The following AK9 variants were observed in gnomAD, a reference collection of about 807,000 sequenced individuals.
The protein encoded by AK9 is adenylate kinase 9, also known as adenylate kinase domain containing 1.
Under a neutral mutation model 239.6 loss-of-function variants are expected in AK9, and 191 were observed. The observed-to-expected ratio is 0.80, with a 90% CI of 0.71 to 0.90. The LOEUF (loss-of-function observed/expected upper bound fraction) is 0.90. AK9 is among the 40% of genes least tolerant of loss of function. The pLI is 0.00. For synonymous variants in AK9, 689 were observed against 721.0 expected (o/e 0.96, Z 0.71); for missense variants, 1,995 against 2,214.7 (o/e 0.90, Z 1.99).
At chr6:109,656,914 C>G in intron 7 of AK9, 30 bp from the exon 8 acceptor site, 1 of 1,609,216 alleles carries the variant, frequency 6.2e-7, no homozygotes. Flanking sequence ...TTTCAAATAT[C>G]TTTAGGTCAA....
chr6:109,670,834 T>A (rs935915297), intron 5 of AK9, among the ~76,000 whole-genome samples: 8 of 152,148 alleles, frequency 5.3e-5, no homozygotes, highest in Non-Finnish European at 1.2e-4. Context: ...ATTCTGGATA[T>A]TTTGCCGTTC....
At chr6:109,496,748 A>G (rs758606995) in intron 38 of AK9, among the ~76,000 whole-genome samples, 1 of 152,086 alleles carries the variant, frequency 6.6e-6, no homozygotes, top group Non-Finnish European at 1.5e-5. Context: ...GAGCTCAAAC[A>G]TGCTATCATA....
intron 3 of AK9, among the ~76,000 whole-genome samples, chr6:109,672,433 A>G (rs574619586): frequency 6.6e-6 from 1 of 152,328 alleles, no homozygotes; most frequent in Admixed American, 6.5e-5. Context: ...CTGCAATCCC[A>G]GTACTTTGGG....
intron 2 of AK9, among the ~76,000 whole-genome samples, chr6:109,674,905 G>C (rs187912283): frequency 6.6e-6 from 1 of 152,284 alleles, no homozygotes; most frequent in East Asian, 1.9e-4. Flanking sequence ...ATTCTGGAGA[G>C]GCTCTTTAAT....
At chr6:109,630,898 A>G (rs1041632133) in intron 12 of AK9, among the ~76,000 whole-genome samples, 1 of 152,148 alleles carries the variant, frequency 6.6e-6, no homozygotes, top group African/African-American at 2.4e-5. Context: ...AGAGACACAC[A>G]TATGTATAAA....
chr6:109,619,116 T>C lies in AK9; in HGVS notation c.1375A>G (p.Arg459Gly). 2 of 1,544,744 alleles carry C rather than the reference T, an allele frequency of 1.3e-6. No homozygotes were observed. Among genetic ancestry groups the C allele is most frequent in the Non-Finnish European group, 8.7e-7 (1 of 1,144,546 alleles). ...AIKVVKEKLL[R>G]ELQARKQAET... Reference sequence around the variant, plus strand: ...CCTTGTTTTCTAGCTTGCAGTTCCCTGAGAAGCTTTTCTTTCACAACTTTA... The same window carrying C: ...CCTTGTTTTCTAGCTTGCAGTTCCCCGAGAAGCTTTTCTTTCACAACTTTA... The change falls in exon 13 of 41, where the codon AGG becomes GGG. Residue 459 changes from arginine to glycine, a missense_variant. Transcript: ENST00000424296.
At chr6:109,585,869 A>C (rs1487960773) in intron 18 of AK9, 47 bp downstream of exon 18, 3 of 1,501,194 alleles carry the variant, frequency 2.0e-6, no homozygotes, top group African/African-American at 2.8e-5. Flanking sequence ...CAAAAATATC[A>C]ATAACAAAAC....
At chr6:109,654,987 C>A (rs1799485998) in intron 8 of AK9, among the ~76,000 whole-genome samples, 1 of 152,296 alleles carries the variant, frequency 6.6e-6, no homozygotes, top group East Asian at 1.9e-4. Context: ...ACATATAAGG[C>A]AATTGCTTGG....
At chr6:109,642,609 G>A (rs2128289183) in intron 9 of AK9, among the ~76,000 whole-genome samples, 1 of 152,254 alleles carries the variant, frequency 6.6e-6, no homozygotes, top group South Asian at 2.1e-4. Context: ...TGAGGAAAGT[G>A]TGTCCCAGGT....
rs1178580908 is a variant in AK9 at position 109,516,427 on chromosome 6, A to T, written c.3846+3T>A. ...TTATAAAAAGCAAAGGAAAAGTAATAACCTGTATTATTTGTAAATTATGTG... is the reference window on the plus strand; with the variant it reads ...TTATAAAAAGCAAAGGAAAAGTAATTACCTGTATTATTTGTAAATTATGTG... On this transcript the variant is annotated splice_donor_region_variant and intron_variant, in intron 30 of 40. Coordinates refer to ENST00000424296, the MANE Select transcript of AK9 (RefSeq NM_001145128.3). 1.3e-6 allele frequency: 2 copies of T among 1,548,206 alleles called. No homozygotes were observed. Among genetic ancestry groups the T allele is most frequent in the Non-Finnish European group, 1.7e-6 (2 of 1,145,200 alleles).
intron 25 of AK9, among the ~76,000 whole-genome samples, chr6:109,548,721 C>T (rs1180812798): frequency 6.6e-6 from 1 of 152,108 alleles, no homozygotes; most frequent in Non-Finnish European, 1.5e-5. Context: ...TCTATGATTG[C>T]CAAAACTGTT....
At chr6:109,581,058 C>A (rs1345090187) in intron 19 of AK9, among the ~76,000 whole-genome samples, 1 of 151,952 alleles carries the variant, frequency 6.6e-6, no homozygotes, top group Admixed American at 6.6e-5. Flanking sequence ...GTTTGGGGCA[C>A]CATGAACCAC....
chr6:109,517,061 C>T (rs956532724), intron 29 of AK9, among the ~76,000 whole-genome samples: 11 of 152,086 alleles, frequency 7.2e-5, no homozygotes, highest in African/African-American at 2.7e-4. Context: ...TTCTCAGTTG[C>T]TGGTTGTAGT....
At chr6:109,646,645 C>T (rs1017249544) in intron 8 of AK9, among the ~76,000 whole-genome samples, 1 of 152,104 alleles carries the variant, frequency 6.6e-6, no homozygotes, top group Non-Finnish European at 1.5e-5. Context: ...GGAGAACAGA[C>T]CTAAGTTGGA....
In AK9 at chr6:109,655,185, T is replaced by C. The variant is rs577486759; in HGVS notation, c.759+1571A>G. Among the ~76,000 whole-genome samples, 8 of 152,250 alleles carry C rather than the reference T, an allele frequency of 5.3e-5. No individual in the cohort carries two copies. In the East Asian group the frequency reaches 1.5e-3, roughly 29 times the overall value. ...CAAATTCATATTTGGGGTATAAGAG[T>C]TCTTTACCATATCCTTGCTAGCATC... On this transcript the variant is annotated intron_variant, in intron 8 of 40. Transcript: ENST00000424296.
chr6:109,547,702 C>T (rs1204017601), intron 25 of AK9, among the ~76,000 whole-genome samples: 3 of 151,960 alleles, frequency 2.0e-5, no homozygotes, highest in Non-Finnish European at 2.9e-5. Flanking sequence ...CATAGGATTA[C>T]ATTAACCTAA....
chr6:109,606,161 A>T (rs1168607807), intron 17 of AK9, among the ~76,000 whole-genome samples: 1 of 152,182 alleles, frequency 6.6e-6, no homozygotes, highest in African/African-American at 2.4e-5. Flanking sequence ...ATTTAAACTT[A>T]AAATATTTAC....
Position 109,656,874 on chromosome 6 carries a change from G to C in AK9, c.641C>G (p.Ala214Gly). ...AATTTCAGCCACCATCTGCATTTCGGCAATAAATGCCTAAATGGAAAAGAA... is the reference window on the plus strand; with the variant it reads ...AATTTCAGCCACCATCTGCATTTCGCCAATAAATGCCTAAATGGAAAAGAA... ...EEQEEEEAFI[A>G]EMQMVAEILH... The change falls in exon 8 of 41, where the codon GCC becomes GGC. Residue 214 changes from alanine (A) to glycine (G), a missense_variant. Ala to Gly is a moderately conservative substitution (Grantham distance 60). This residue lies in a region of AK9 where 17 missense variants were observed against 39.1 expected (regional missense o/e 0.43). Coordinates refer to ENST00000424296, the MANE Select transcript of AK9 (RefSeq NM_001145128.3). The C allele has an allele frequency of 6.2e-7, 1 of 1,612,028 alleles. No homozygotes were observed. The highest frequency in any genetic ancestry group is 8.5e-7 in the Non-Finnish European group (1 of 1,178,984).
In AK9 at chr6:109,632,778, T is replaced by C. The variant is rs1284956073; in HGVS notation, c.1254+145A>G. 3 of 1,363,966 alleles carry C rather than the reference T, an allele frequency of 2.2e-6. No homozygotes were observed. In the African/African-American group the frequency reaches 4.6e-5, roughly 21 times the overall value. The allele number at this position is 1,363,966 out of a possible 1,614,324, so 84.5% of individuals were successfully genotyped here. A position where few individuals can be genotyped will look rare whatever the true frequency, so the allele number is the denominator to read the frequency against. ...TACCCCAAGCCCAGTGGAACAATTA[T>C]TCAATTAAAACATGAAATTTTAAAA... On this transcript the variant is annotated intron_variant, in intron 12 of 40. Coordinates refer to ENST00000424296, the MANE Select transcript of AK9 (RefSeq NM_001145128.3).
Sources: gnomAD v4.1 joint callset for allele counts (sites outside exome capture counted in the v4.1 genomes callset) on GRCh38, gnomAD v4.1.1 for gene constraint, gnomAD v4.1.1 regional missense constraint, MANE v1.5 for transcripts, NCBI Gene and HGNC (gene_info 2026-07-23, HGNC 2026-07-21) for gene names.